The following TNFRSF21 variants were observed in gnomAD, a reference collection of about 807,000 sequenced individuals.
The protein encoded by TNFRSF21 is TNF receptor superfamily member 21.
Under a neutral mutation model 45.6 loss-of-function variants are expected in TNFRSF21, and 19 were observed. The ratio of observed to expected loss-of-function variants is 0.42; its 90% CI spans 0.29 to 0.61. TNFRSF21 has a LOEUF of 0.61. Among genes scored for constraint, TNFRSF21 ranks in the 20% least tolerant of loss-of-function variants. The pLI is 0.23. For missense variants in TNFRSF21, 737 were observed against 851.5 expected (o/e 0.87, Z 1.67); for synonymous variants, 314 against 335.5 (o/e 0.94, Z 0.70).
rs771863207 is a variant in TNFRSF21, at chr6:47,284,137, C to G, written c.1044G>C (p.Glu348Asp). Residue 348 changes from glutamate (E) to aspartate (D), a missense_variant, in exon 3 of 6, where the codon GAG becomes GAC. Physicochemically the swap from Glu to Asp is conservative, Grantham distance 45 (BLOSUM62 2). Transcript: ENST00000296861. ...QNLHKHFDIN[E>D]HLPWMIVLFL... ...AAAGCACAATCATCCAGGGCAAATG[C>G]TCATTGATGTCAAAATGCTTGTGTA... is the stretch of plus-strand genomic sequence containing the variant. 5.8e-5 allele frequency: 94 copies of G among 1,614,084 alleles called. No homozygotes were observed. In the East Asian group the frequency reaches 2.1e-3, roughly 36 times the overall value.
At chr6:47,254,242 A>G (rs572074927) in intron 3 of TNFRSF21, among the ~76,000 whole-genome samples, 5 of 152,356 alleles carry the variant, frequency 3.3e-5, no homozygotes, top group African/African-American at 1.2e-4. Flanking sequence ...TGAGGTCTCC[A>G]GCATGGATAT....
chr6:47,274,764 T>C (rs1177081418), intron 3 of TNFRSF21, among the ~76,000 whole-genome samples: 1 of 151,956 alleles, frequency 6.6e-6, no homozygotes, highest in East Asian at 1.9e-4. Flanking sequence ...ATAACCAGAA[T>C]CTACAAAGAA....
rs546916944 is a variant in TNFRSF21 at position 47,245,955 on chromosome 6, A to C, written c.1509+7301T>G. 9.8e-5 allele frequency among the ~76,000 whole-genome samples: 15 copies of C among 152,322 alleles called. 1 individual carries two copies. Among genetic ancestry groups the C allele is most frequent in the Admixed American group, 9.2e-4 (14 of 15,300 alleles). ...ATAGGGGGAGGTGCCACATGCTTTCACACAATCAGATCTCGTGAGAACTCT... is the reference window on the plus strand; with the variant it reads ...ATAGGGGGAGGTGCCACATGCTTTCCCACAATCAGATCTCGTGAGAACTCT... On this transcript the variant is annotated intron_variant, in intron 4 of 5. Coordinates refer to ENST00000296861, the MANE Select transcript of TNFRSF21 (RefSeq NM_014452.5).
At position 47,263,092 on chromosome 6, in the gene TNFRSF21, G is replaced by A. The variant is rs185993122; in HGVS notation, c.1244-9571C>T. The stretch of plus-strand genomic sequence containing the variant: ...GGCCATGGAGGTGATGGGAGGTGGT[G>A]GACTTCTCCATGTATTTTGAAGGTA... On this transcript the variant is annotated intron_variant, in intron 3 of 5. Transcript: ENST00000296861. 2.0e-3 allele frequency among the ~76,000 whole-genome samples: 298 copies of A among 152,194 alleles called. 6 individuals carry two copies. The highest frequency in any genetic ancestry group is 2.6e-4 in the Admixed American group (4 of 15,290).
chr6:47,258,349 A>G (rs1228066916), intron 3 of TNFRSF21, among the ~76,000 whole-genome samples: 1 of 151,966 alleles, frequency 6.6e-6, no homozygotes, highest in African/African-American at 2.4e-5. Flanking sequence ...CAGCCTAAGC[A>G]ACAGAGTAAA....
rs763582917 is a variant in TNFRSF21 at position 47,309,469 on chromosome 6, T to C, written c.43A>G (p.Ser15Gly). 2 of 1,530,678 alleles carry C rather than the reference T, an allele frequency of 1.3e-6. No homozygotes were observed. Among genetic ancestry groups the C allele is most frequent in the Non-Finnish European group, 1.7e-6 (2 of 1,146,090 alleles). The allele number at this position is 1,530,678 out of a possible 1,614,324, so 94.8% of individuals were successfully genotyped here. ...GCTGTGGCTCGGCGGGCGATGCGGC[T>C]GCAGGAGGCGAGGGCGGTGCTGCTG... ...PSSSTALASCSRIARRATATM... is the reference protein window; with the variant it reads ...PSSSTALASCGRIARRATATM... The change falls in exon 1 of 6, where the codon AGC becomes GGC. Residue 15 changes from serine (S) to glycine (G), a missense_variant. Coordinates refer to ENST00000296861, the MANE Select transcript of TNFRSF21 (RefSeq NM_014452.5).
In TNFRSF21 at chr6:47,239,137, T is replaced by C. The variant is rs1209102358; in HGVS notation, c.1510-4239A>G. Among the ~76,000 whole-genome samples the C allele has an allele frequency of 2.6e-5, 4 of 151,980 alleles. No homozygotes were observed. In the East Asian group the frequency reaches 7.7e-4, roughly 29 times the overall value. On this transcript the variant is annotated intron_variant, in intron 4 of 5. Coordinates refer to ENST00000296861, the MANE Select transcript of TNFRSF21 (RefSeq NM_014452.5). Reference sequence around the variant, plus strand: ...CCTGTCTCTACTAAAACTACAAAAATTAGCCGGGCATGGTGGCACATGCCT... The same window carrying C: ...CCTGTCTCTACTAAAACTACAAAAACTAGCCGGGCATGGTGGCACATGCCT...
chr6:47,236,822 T>G (rs145288933), intron 4 of TNFRSF21, among the ~76,000 whole-genome samples: 165 of 152,364 alleles, frequency 1.1e-3, no homozygotes, highest in Non-Finnish European at 1.7e-3. Context: ...GTCTACATCC[T>G]GGTTCTCAGG....
At chr6:47,294,562 C>A (rs563737680) in intron 1 of TNFRSF21, among the ~76,000 whole-genome samples, 28 of 152,212 alleles carry the variant, frequency 1.8e-4, no homozygotes, top group Non-Finnish European at 3.7e-4. Context: ...TACTTCATTT[C>A]ATCTCCAAAG....
Position 47,232,564 on chromosome 6 carries a change from A to T in TNFRSF21, c.*201T>A, listed in dbSNP as rs565050669. On this transcript the variant is annotated 3_prime_UTR_variant, in exon 6 of 6. Coordinates refer to ENST00000296861, the MANE Select transcript of TNFRSF21 (RefSeq NM_014452.5). ...AACCAACTTCCCAGAAGAGTTATTT[A>T]AAAAAAAAAGAGAGAGAGAGAAGGA... 1.4e-3 allele frequency: 599 copies of T among 414,616 alleles called. 1 individual carries two copies. The highest frequency in any genetic ancestry group is 2.0e-3 in the Non-Finnish European group (474 of 232,830). 25.7% of individuals were successfully genotyped at this position (414,616 alleles called of 1,614,324 possible).
chr6:47,276,863 A>G (rs892468517), intron 3 of TNFRSF21, among the ~76,000 whole-genome samples: 1 of 152,248 alleles, frequency 6.6e-6, no homozygotes, highest in African/African-American at 2.4e-5. Flanking sequence ...TTGAGAGAGC[A>G]CTGCCTACAT....
intron 3 of TNFRSF21, among the ~76,000 whole-genome samples, chr6:47,258,460 T>TAA: frequency 6.7e-6 from 1 of 149,954 alleles, no homozygotes; most frequent in African/African-American, 2.5e-5. Context: ...CACCACCTAA[T>TAA]AGACACTGGA....
Position 47,291,568 on chromosome 6 carries a change from T to C in TNFRSF21, c.97-4973A>G, listed in dbSNP as rs548699180. 2.0e-5 allele frequency among the ~76,000 whole-genome samples: 3 copies of C among 152,162 alleles called. No homozygotes were observed. In the South Asian group the frequency reaches 6.2e-4, roughly 32 times the overall value. On this transcript the variant is annotated intron_variant, in intron 1 of 5. Coordinates refer to ENST00000296861, the MANE Select transcript of TNFRSF21 (RefSeq NM_014452.5). ...AGGGGAAAGAGGAAGAAATCAGTGGTTTTCAAATAGGACTTAAGAGAGCAC... is the reference window on the plus strand; with the variant it reads ...AGGGGAAAGAGGAAGAAATCAGTGGCTTTCAAATAGGACTTAAGAGAGCAC...
At chr6:47,256,675 T>C (rs1764993241) in intron 3 of TNFRSF21, among the ~76,000 whole-genome samples, 1 of 152,240 alleles carries the variant, frequency 6.6e-6, no homozygotes, top group South Asian at 2.1e-4. Context: ...ACAGAGCTTT[T>C]GATTTCAAGC....
chr6:47,305,165 C>T (rs1356818943), intron 1 of TNFRSF21, among the ~76,000 whole-genome samples: 11 of 152,086 alleles, frequency 7.2e-5, no homozygotes, highest in Admixed American at 6.5e-5. Flanking sequence ...CGAGTAAAAC[C>T]CAACCAGCAC....
chr6:47,260,151 C>T (rs913433201), intron 3 of TNFRSF21, among the ~76,000 whole-genome samples: 1 of 152,124 alleles, frequency 6.6e-6, no homozygotes, highest in Non-Finnish European at 1.5e-5. Context: ...TGTACAAACA[C>T]AGGTTTTAGC....
chr6:47,253,246 G>A lies in TNFRSF21; in HGVS notation c.1509+10C>T. The A allele has an allele frequency of 6.2e-7, 1 of 1,610,824 alleles. No homozygotes were observed. Among genetic ancestry groups the A allele is most frequent in the African/African-American group, 1.3e-5 (1 of 74,968 alleles). On this transcript the variant is annotated intron_variant, in intron 4 of 5. Transcript: ENST00000296861. ...TCGGTGGTAATGACACACAACAAGG[G>A]CTCCATTACCTGGGTGGTGTCTTCC...
chr6:47,284,309 G>T lies in TNFRSF21; in HGVS notation c.872C>A (p.Thr291Asn), dbSNP rs146578369. The T allele has an allele frequency of 1.2e-6, 2 of 1,605,938 alleles. No homozygotes were observed. The highest frequency in any genetic ancestry group is 1.3e-5 in the African/African-American group (1 of 74,934). The change falls in exon 3 of 6, where the codon ACC (threonine) becomes AAC (asparagine). Residue 291 changes from threonine to asparagine, a missense_variant. Physicochemically the swap from Thr to Asn is moderately conservative, Grantham distance 65. Coordinates refer to ENST00000296861, the MANE Select transcript of TNFRSF21 (RefSeq NM_014452.5). ...SARGKEDVNK[T>N]LPNLQVVNHQ... ...GTTGACTACCTGAAGGTTTGGGAGGGTCTTGTTCACGTCTTCCTTCCCCCT... is the reference window on the plus strand; with the variant it reads ...GTTGACTACCTGAAGGTTTGGGAGGTTCTTGTTCACGTCTTCCTTCCCCCT...
chr6:47,284,612 A>G (rs562473696), intron 2 of TNFRSF21, among the ~76,000 whole-genome samples, 180 bp from the exon 3 acceptor site: 1 of 152,330 alleles, frequency 6.6e-6, no homozygotes, highest in South Asian at 2.1e-4. Flanking sequence ...CTTCATGTGG[A>G]AGGCAAAAAT....
Sources: gnomAD v4.1 joint callset for allele counts (sites outside exome capture counted in the v4.1 genomes callset) on GRCh38, gnomAD v4.1.1 for gene constraint, MANE v1.5 for transcripts, NCBI Gene and HGNC (gene_info 2026-07-23, HGNC 2026-07-21) for gene names.